The following SNTG2 variants were observed in gnomAD, a reference collection of about 807,000 sequenced individuals.
SNTG2 encodes gamma-2-syntrophin.
Under a neutral mutation model 70.9 loss-of-function variants are expected in SNTG2, and 74 were observed. The ratio of observed to expected loss-of-function variants is 1.04; its 90% CI spans 0.86 to 1.27. SNTG2 has a LOEUF of 1.27. Ranked by LOEUF, SNTG2 falls within the 50% of genes most tolerant of loss-of-function variation. The pLI is 0.00. For missense variants in SNTG2, 717 were observed against 690.7 expected (o/e 1.04, Z -0.43); for synonymous variants, 278 against 273.8 (o/e 1.02, Z -0.15).
At chr2:1,361,159 T>G (rs888315809) in intron 16 of SNTG2, among the ~76,000 whole-genome samples, 6 of 152,268 alleles carry the variant, frequency 3.9e-5, no homozygotes, top group Non-Finnish European at 7.3e-5. Context: ...TTGTCCCATC[T>G]GTGGGGGCCA....
At chr2:1,109,097 G>GT (rs1666263845) in intron 4 of SNTG2, among the ~76,000 whole-genome samples, 1 of 152,068 alleles carries the variant, frequency 6.6e-6, no homozygotes, top group Non-Finnish European at 1.5e-5. Context: ...GACGCACGCT[G>GT]TCACTGGGGC....
At chr2:1,004,416 A>G (rs1659502567) in intron 1 of SNTG2, among the ~76,000 whole-genome samples, 1 of 152,232 alleles carries the variant, frequency 6.6e-6, no homozygotes, top group South Asian at 2.1e-4. Flanking sequence ...GTATTTGAAA[A>G]ATAATCTCTG....
chr2:1,276,638 A>C (rs1679280910), intron 14 of SNTG2, among the ~76,000 whole-genome samples: 1 of 152,252 alleles, frequency 6.6e-6, no homozygotes, highest in Non-Finnish European at 1.5e-5. Flanking sequence ...TGTTGTTTTC[A>C]TGCCTGATAA....
chr2:1,207,408 G>A (rs577359187), intron 8 of SNTG2, among the ~76,000 whole-genome samples: 1 of 42,758 alleles, frequency 2.3e-5, no homozygotes, highest in South Asian at 1.7e-3. Context: ...CCCAACCTCT[G>A]GCTATGTGAG....
intron 4 of SNTG2, among the ~76,000 whole-genome samples, chr2:1,134,844 G>A (rs1668267562): frequency 1.3e-5 from 2 of 152,182 alleles, no homozygotes; most frequent in South Asian, 4.1e-4. Flanking sequence ...GGCATGGCGG[G>A]CTGCAGGTCC....
rs57318423 is a variant in SNTG2 at position 1,197,547 on chromosome 2, G to GTA, written c.592-11555_592-11554insAT. Reference sequence around the variant, plus strand: ...TGTGTGTGTGTGTGTGTGTGTGTGTGTGTATATTTGATACAGGTTCTCACT... The same window carrying GTA: ...TGTGTGTGTGTGTGTGTGTGTGTGTGTATGTATATTTGATACAGGTTCTCACT... On this transcript the variant is annotated intron_variant, in intron 8 of 16. Coordinates refer to ENST00000308624, the MANE Select transcript of SNTG2 (RefSeq NM_018968.4). Among the ~76,000 whole-genome samples the GTA allele has an allele frequency of 2.7e-4, 38 of 138,864 alleles. 1 individual carries two copies. The highest frequency in any genetic ancestry group is 9.9e-4 in the African/African-American group (36 of 36,308). 91.1% of individuals were successfully genotyped at this position (138,864 alleles called of 152,430 possible).
intron 6 of SNTG2, among the ~76,000 whole-genome samples, chr2:1,158,693 C>T (rs1412216752): frequency 2.0e-5 from 3 of 152,046 alleles, no homozygotes; most frequent in Non-Finnish European, 4.4e-5. Flanking sequence ...AAGGTGTGTG[C>T]AGGGAAGGGT....
At chr2:1,203,590 G>A (rs1673417231) in intron 8 of SNTG2, among the ~76,000 whole-genome samples, 1 of 149,548 alleles carries the variant, frequency 6.7e-6, no homozygotes, top group Non-Finnish European at 1.5e-5. Flanking sequence ...GGAAGCTGGG[G>A]TTGCAGTGAG....
At chr2:1,277,367 C>T (rs1217546097) in intron 14 of SNTG2, among the ~76,000 whole-genome samples, 1 of 152,180 alleles carries the variant, frequency 6.6e-6, no homozygotes, top group Non-Finnish European at 1.5e-5. Context: ...AGTCAGCAGC[C>T]ATCAACATCC....
intron 4 of SNTG2, among the ~76,000 whole-genome samples, chr2:1,118,178 C>T (rs942146056): frequency 1.3e-5 from 2 of 152,060 alleles, no homozygotes; most frequent in Non-Finnish European, 2.9e-5. Flanking sequence ...CCCCAGGGCC[C>T]TGGTTCCACA....
At chr2:1,039,476 A>G (rs889858296) in intron 1 of SNTG2, among the ~76,000 whole-genome samples, 1 of 152,202 alleles carries the variant, frequency 6.6e-6, no homozygotes, top group Non-Finnish European at 1.5e-5. Flanking sequence ...TTACAAAAAT[A>G]GGAGTCATTC....
intron 1 of SNTG2, among the ~76,000 whole-genome samples, chr2:996,764 C>G (rs1046033162): frequency 7.4e-6 from 1 of 134,314 alleles, no homozygotes; most frequent in Non-Finnish European, 1.5e-5. Flanking sequence ...TGCTGGGGTA[C>G]CTAAAATTTT....
At chr2:1,258,658 TA>T (rs1185253915) in intron 12 of SNTG2, among the ~76,000 whole-genome samples, 1 of 151,544 alleles carries the variant, frequency 6.6e-6, no homozygotes, top group Non-Finnish European at 1.5e-5. Context: ...GGGTCAACAA[TA>T]AAAAACATCA....
chr2:1,281,340 GGTA>G (rs1679521896), intron 14 of SNTG2, among the ~76,000 whole-genome samples: 1 of 53,510 alleles, frequency 1.9e-5, no homozygotes, highest in African/African-American at 8.4e-5. Flanking sequence ...TGTGTGTGGT[GGTA>G]TGTGTGTGCT....
chr2:1,116,511 C>T (rs1666979893), intron 4 of SNTG2, among the ~76,000 whole-genome samples: 1 of 148,258 alleles, frequency 6.7e-6, no homozygotes, highest in African/African-American at 2.5e-5. Flanking sequence ...TGTGTGTGGT[C>T]TGGTGTGTGG....
intron 16 of SNTG2, among the ~76,000 whole-genome samples, chr2:1,357,766 T>C (rs1314519735): frequency 6.6e-6 from 1 of 152,052 alleles, no homozygotes; most frequent in African/African-American, 2.4e-5. Context: ...TAGGAATTTA[T>C]CCAATTTTTT....
chr2:1,326,918 C>A (rs1333126923), intron 16 of SNTG2, among the ~76,000 whole-genome samples: 7 of 151,952 alleles, frequency 4.6e-5, no homozygotes, highest in Non-Finnish European at 1.0e-4. Context: ...TTAAATGCAA[C>A]CTTAGAATAA....
At chr2:1,335,656 G>A (rs753218365) in intron 16 of SNTG2, among the ~76,000 whole-genome samples, 5 of 151,996 alleles carry the variant, frequency 3.3e-5, no homozygotes, top group Non-Finnish European at 7.4e-5. Context: ...AAGTATCATT[G>A]CACTAAATCT....
At chr2:1,103,443 GT>G (rs1665919230) in intron 4 of SNTG2, 1 of 257,988 alleles carries the variant, frequency 3.9e-6, no homozygotes, top group Non-Finnish European at 7.7e-6. Flanking sequence ...GAGTGCAGTG[GT>G]GAGTTCTTGG....
Sources: gnomAD v4.1 joint callset for allele counts (sites outside exome capture counted in the v4.1 genomes callset) on GRCh38, gnomAD v4.1.1 for gene constraint, MANE v1.5 for transcripts, NCBI Gene and HGNC (gene_info 2026-07-23, HGNC 2026-07-21) for gene names.